Variants in TMEM217B observed in about 807,000 individuals in gnomAD.
The protein encoded by TMEM217B is putative transmembrane protein 217B.
chr6:37,258,118 G>A, the TMEM217B span: 4 of 909,918 alleles, frequency 4.4e-6, no homozygotes, highest in African/African-American at 1.7e-5. Context: ...CAGGGCAGCT[G>A]TCAGGCAGCG....
chr6:37,235,601 T>C, the TMEM217B span, among the ~76,000 whole-genome samples: 1 of 74,530 alleles, frequency 1.3e-5, no homozygotes, highest in Admixed American at 1.8e-4. Flanking sequence ...CTCCTGACCT[T>C]GTGATCCGTC....
the TMEM217B span, among the ~76,000 whole-genome samples, chr6:37,239,720 A>G: frequency 6.6e-6 from 1 of 152,018 alleles, no homozygotes; most frequent in Non-Finnish European, 1.5e-5. Context: ...TTTCAGATGG[A>G]TCTCTTGCAA....
chr6:37,217,448 CAT>C, the TMEM217B span, among the ~76,000 whole-genome samples: 683 of 152,260 alleles, frequency 4.5e-3, 6 homozygotes, highest in African/African-American at 0.016. Context: ...ACAAAATTCT[CAT>C]AGTCATTCAT....
the TMEM217B span, among the ~76,000 whole-genome samples, chr6:37,240,676 G>A: frequency 1.3e-5 from 2 of 152,068 alleles, no homozygotes; most frequent in African/African-American, 2.4e-5. Flanking sequence ...ACTTGAGGCC[G>A]GCTATCACAT....
At chr6:37,229,555 G>C in the TMEM217B span, among the ~76,000 whole-genome samples, 43 of 151,846 alleles carry the variant, frequency 2.8e-4, 1 homozygote, top group Admixed American at 2.2e-3. Context: ...TGTTAGCCAG[G>C]ATGGTCTCGA....
chr6:37,229,346 T>TTTTTTTG, the TMEM217B span, among the ~76,000 whole-genome samples: 1 of 128,202 alleles, frequency 7.8e-6, no homozygotes, highest in Non-Finnish European at 1.6e-5. Context: ...TTTTTTTTTT[T>TTTTTTTG]TTTTTTTTTT....
At chr6:37,237,433 T>C in the TMEM217B span, among the ~76,000 whole-genome samples, 1 of 152,178 alleles carries the variant, frequency 6.6e-6, no homozygotes. Context: ...CCACTGTAAA[T>C]ATCTGACAAC....
chr6:37,243,929 GAGTCA>G, the TMEM217B span, among the ~76,000 whole-genome samples: 1 of 152,166 alleles, frequency 6.6e-6, no homozygotes, highest in African/African-American at 2.4e-5. Context: ...AGCCCACATG[GAGTCA>G]GCCAGTCCTC....
chr6:37,212,422 A>G, the TMEM217B span: 2 of 413,304 alleles, frequency 4.8e-6, no homozygotes, highest in Non-Finnish European at 9.7e-6. Context: ...GGTTCAGTTT[A>G]ACTTCCGGTA....
At chr6:37,218,169 C>CTTTTT in the TMEM217B span, 2 of 1,014,140 alleles carry the variant, frequency 2.0e-6, no homozygotes, top group Non-Finnish European at 2.4e-6. Flanking sequence ...AAGCTGCTAA[C>CTTTTT]TTTTTTTTTT....
the TMEM217B span, among the ~76,000 whole-genome samples, chr6:37,256,091 A>G: frequency 2.0e-5 from 3 of 152,230 alleles, no homozygotes; most frequent in African/African-American, 7.2e-5. Flanking sequence ...TAAAATGTCA[A>G]ATCAATAGGG....
At chr6:37,253,611 A>C in the TMEM217B span, among the ~76,000 whole-genome samples, 1 of 152,178 alleles carries the variant, frequency 6.6e-6, no homozygotes. Flanking sequence ...CCAACATTGC[A>C]CAGTGCATTG....
the TMEM217B span, among the ~76,000 whole-genome samples, chr6:37,252,842 G>A: frequency 6.6e-6 from 1 of 151,518 alleles, no homozygotes; most frequent in African/African-American, 2.4e-5. Flanking sequence ...GTTTTGTCAT[G>A]TTGCCCAGGC....
the TMEM217B span, chr6:37,258,106 G>A: frequency 2.0e-5 from 20 of 1,014,352 alleles, no homozygotes; most frequent in Admixed American, 3.0e-5. Flanking sequence ...GCCTGGTGGC[G>A]GCAGGGCAGC....
chr6:37,238,052 C>A, the TMEM217B span, among the ~76,000 whole-genome samples: 1 of 151,450 alleles, frequency 6.6e-6, no homozygotes, highest in South Asian at 2.1e-4. Flanking sequence ...TTTACAATAA[C>A]TAATATTTAA....
At chr6:37,258,028 T>C in the TMEM217B span, 1 of 1,587,402 alleles carries the variant, frequency 6.3e-7, no homozygotes, top group Non-Finnish European at 8.6e-7. Flanking sequence ...TTCCAGATCC[T>C]AATCCCTGAA....
At chr6:37,239,378 C>T in the TMEM217B span, among the ~76,000 whole-genome samples, 1 of 151,856 alleles carries the variant, frequency 6.6e-6, no homozygotes. Flanking sequence ...GTCCCAGCTA[C>T]TTGGGAGGAC....
the TMEM217B span, among the ~76,000 whole-genome samples, chr6:37,246,334 A>C: frequency 3.9e-5 from 6 of 152,198 alleles, no homozygotes; most frequent in South Asian, 1.2e-3. Context: ...CTGCTCCCAC[A>C]TGTCTGTTAT....
the TMEM217B span, among the ~76,000 whole-genome samples, chr6:37,216,165 A>G: frequency 1.3e-5 from 2 of 151,900 alleles, no homozygotes; most frequent in Non-Finnish European, 2.9e-5. Flanking sequence ...TGCAACCTCC[A>G]TCTCCCAAGT....
Sources: gnomAD v4.1 joint callset for allele counts (sites outside exome capture counted in the v4.1 genomes callset) on GRCh38, gnomAD v4.1.1 for gene constraint, MANE v1.5 for transcripts, NCBI Gene and HGNC (gene_info 2026-07-23, HGNC 2026-07-21) for gene names.